The following CNTNAP2 variants were observed in gnomAD, a reference collection of about 807,000 sequenced individuals.
CNTNAP2 encodes contactin-associated protein-like 2.
In CNTNAP2, 98 loss-of-function variants were observed where a neutral mutation model predicts 155.2. That is an observed-to-expected ratio of 0.63 (90% confidence interval 0.54 to 0.75). The LOEUF (loss-of-function observed/expected upper bound fraction) is 0.75, where lower values mean the gene tolerates loss of function less well. Ranked by LOEUF, CNTNAP2 falls within the 30% of genes least tolerant of loss-of-function variation. The probability of loss-of-function intolerance (pLI) is 0.00; values close to 1 mark genes in which losing one functional copy is unlikely to be tolerated. For synonymous variants in CNTNAP2, 651 were observed against 631.2 expected (o/e 1.03, Z -0.47); for missense variants, 1,727 against 1,688.1 (o/e 1.02, Z -0.40).
intron 8 of CNTNAP2, among the ~76,000 whole-genome samples, chr7:147,276,064 C>G (rs751011943): frequency 6.6e-5 from 10 of 151,792 alleles, no homozygotes; most frequent in Non-Finnish European, 1.5e-4. Flanking sequence ...GCTTGCTAGT[C>G]TTTTGTTGAG....
intron 4 of CNTNAP2, among the ~76,000 whole-genome samples, chr7:147,094,547 G>A (rs972084615): frequency 1.3e-4 from 20 of 150,976 alleles, no homozygotes; most frequent in African/African-American, 3.7e-4. Flanking sequence ...GACTACAGGC[G>A]TCCGCCACCA....
At chr7:147,561,282 A>T (rs1037509787) in intron 11 of CNTNAP2, among the ~76,000 whole-genome samples, 1 of 152,174 alleles carries the variant, frequency 6.6e-6, no homozygotes, top group African/African-American at 2.4e-5. Flanking sequence ...AGGTTGACAT[A>T]TTTTTACCGA....
intron 17 of CNTNAP2, among the ~76,000 whole-genome samples, chr7:148,154,474 G>A (rs1238011960): frequency 6.6e-6 from 1 of 152,134 alleles, no homozygotes; most frequent in Non-Finnish European, 1.5e-5. Flanking sequence ...TTCCAAAATT[G>A]CAAATGGATC....
chr7:147,976,531 T>C (rs1801428295), intron 14 of CNTNAP2, among the ~76,000 whole-genome samples: 1 of 152,186 alleles, frequency 6.6e-6, no homozygotes, highest in Admixed American at 6.5e-5. Flanking sequence ...GATAAATAAT[T>C]ATTTTTTAAA....
intron 14 of CNTNAP2, among the ~76,000 whole-genome samples, chr7:147,961,098 C>A (rs2708281): frequency 0.81 from 122,432 of 151,586 alleles, 50,478 homozygotes; most frequent in South Asian, 0.92. Flanking sequence ...TCTCCCCTCA[C>A]ATCTGACCTA....
intron 4 of CNTNAP2, among the ~76,000 whole-genome samples, chr7:147,079,999 C>CT (rs33992262): frequency 0.029 from 3,227 of 112,862 alleles, 111 homozygotes; most frequent in African/African-American, 0.084. Flanking sequence ...AAGCCTAGTC[C>CT]TTTTTTTTTT....
intron 3 of CNTNAP2, among the ~76,000 whole-genome samples, chr7:146,948,622 G>A (rs974681369): frequency 6.6e-6 from 1 of 152,090 alleles, no homozygotes; most frequent in African/African-American, 2.4e-5. Flanking sequence ...TTTATAAAAT[G>A]TATTTCCTTC....
At chr7:147,179,978 G>A (rs1051898763) in intron 8 of CNTNAP2, among the ~76,000 whole-genome samples, 2 of 152,124 alleles carry the variant, frequency 1.3e-5, no homozygotes, top group African/African-American at 2.4e-5. Context: ...TAGAGGATGC[G>A]GTTGTTTGAG....
At chr7:146,131,019 G>A (rs1385902157) in intron 1 of CNTNAP2, among the ~76,000 whole-genome samples, 1 of 152,148 alleles carries the variant, frequency 6.6e-6, no homozygotes, top group Non-Finnish European at 1.5e-5. Context: ...AGATTTGGGT[G>A]GGTTCACAGA....
chr7:147,860,624 T>C (rs1026833923), intron 13 of CNTNAP2, among the ~76,000 whole-genome samples: 1 of 151,070 alleles, frequency 6.6e-6, no homozygotes, highest in African/African-American at 2.4e-5. Context: ...GTTTCCTCCT[T>C]GCTCTCTCTC....
chr7:148,215,927 A>T (rs1265625268), intron 18 of CNTNAP2, among the ~76,000 whole-genome samples: 2 of 152,232 alleles, frequency 1.3e-5, no homozygotes, highest in Non-Finnish European at 2.9e-5. Flanking sequence ...GTCCTCTCCC[A>T]TTAATTATAA....
intron 1 of CNTNAP2, among the ~76,000 whole-genome samples, chr7:146,446,174 G>A (rs1796399132): frequency 6.6e-6 from 1 of 152,080 alleles, no homozygotes; most frequent in Admixed American, 6.6e-5. Context: ...AATGTAAAGT[G>A]CTACTGCTTA....
intron 9 of CNTNAP2, among the ~76,000 whole-genome samples, chr7:147,348,386 A>T (rs999100434): frequency 1.4e-5 from 2 of 146,282 alleles, no homozygotes; most frequent in East Asian, 4.1e-4. Context: ...AAAAAAAAAA[A>T]TGAAAAAAAA....
At chr7:148,057,570 G>A (rs1417562755) in intron 15 of CNTNAP2, among the ~76,000 whole-genome samples, 2 of 152,162 alleles carry the variant, frequency 1.3e-5, no homozygotes, top group Non-Finnish European at 2.9e-5. Context: ...GATGTAACAT[G>A]ATAGCAGATT....
chr7:146,208,131 T>C (rs1036934660), intron 1 of CNTNAP2, among the ~76,000 whole-genome samples: 11 of 152,122 alleles, frequency 7.2e-5, no homozygotes, highest in African/African-American at 1.7e-4. Flanking sequence ...AGCAGACTTA[T>C]TTACTTATTT....
chr7:147,963,276 G>T (rs1050941851), intron 14 of CNTNAP2, among the ~76,000 whole-genome samples: 7 of 152,000 alleles, frequency 4.6e-5, no homozygotes, highest in Non-Finnish European at 7.4e-5. Context: ...TGAAACCAAG[G>T]CCCCAGAAAA....
intron 3 of CNTNAP2, among the ~76,000 whole-genome samples, chr7:147,014,122 A>G (rs920052777): frequency 6.6e-6 from 1 of 152,184 alleles, no homozygotes; most frequent in Non-Finnish European, 1.5e-5. Flanking sequence ...CTTAGATATC[A>G]TTGAATTAAT....
chr7:147,600,651 G>A (rs1460278969), intron 12 of CNTNAP2, among the ~76,000 whole-genome samples: 2 of 152,272 alleles, frequency 1.3e-5, no homozygotes, highest in African/African-American at 4.8e-5. Context: ...CTCTCTTGTT[G>A]GTTGTCTGCC....
At chr7:147,017,855 A>G (rs1021760505) in intron 3 of CNTNAP2, among the ~76,000 whole-genome samples, 1 of 152,084 alleles carries the variant, frequency 6.6e-6, no homozygotes, top group African/African-American at 2.4e-5. Flanking sequence ...CAATGAATGA[A>G]AGATTGTTGA....
Sources: gnomAD v4.1 joint callset for allele counts (sites outside exome capture counted in the v4.1 genomes callset) on GRCh38, gnomAD v4.1.1 for gene constraint, MANE v1.5 for transcripts, NCBI Gene and HGNC (gene_info 2026-07-23, HGNC 2026-07-21) for gene names.